The following ALKAL1 variants were observed in gnomAD, a reference collection of about 807,000 sequenced individuals.
ALKAL1 encodes the protein AUG-beta.
In ALKAL1, 23 loss-of-function variants were observed where a neutral mutation model predicts 13.5. That is an observed-to-expected ratio of 1.70 (90% CI 1.23 to 2.41). The LOEUF (loss-of-function observed/expected upper bound fraction) is 2.41. Among genes scored for constraint, ALKAL1 ranks in the 30% most tolerant of loss-of-function variants. The probability of loss-of-function intolerance (pLI) is 0.00; values close to 1 mark genes in which losing one functional copy is unlikely to be tolerated. For missense variants in ALKAL1, 181 were observed against 178.4 expected (o/e 1.01, Z -0.08); for synonymous variants, 85 against 77.7 (o/e 1.09, Z -0.49).
chr8:52,552,926 G>A (rs1467395165), intron 1 of ALKAL1, among the ~76,000 whole-genome samples: 1 of 152,182 alleles, frequency 6.6e-6, no homozygotes, highest in Non-Finnish European at 1.5e-5. Flanking sequence ...GTGTGCTCCT[G>A]GTGACTACGG....
intron 1 of ALKAL1, among the ~76,000 whole-genome samples, chr8:52,558,246 G>A (rs1389105526): frequency 6.8e-6 from 1 of 146,950 alleles, no homozygotes; most frequent in Non-Finnish European, 1.5e-5. Flanking sequence ...TACTTGGGAG[G>A]CTGAGGTGAG....
Position 52,554,117 on chromosome 8 carries a change from G to A in ALKAL1, c.190+10950C>T, listed in dbSNP as rs193228275. 9.2e-5 allele frequency among the ~76,000 whole-genome samples: 14 copies of A among 152,242 alleles called. No individual in the cohort carries two copies. The East Asian group carries it at 1.5e-3, about 17-fold the overall frequency. On this transcript the variant is annotated intron_variant, in intron 1 of 4. Coordinates refer to ENST00000358543, the MANE Select transcript of ALKAL1 (RefSeq NM_207413.4). ...CGCATGCCTGTAATCCCAGCTACTC[G>A]GGAGGCTGAGGCAGGGGAATCGCTT... is the stretch of plus-strand genomic sequence containing the variant.
chr8:52,561,444 G>A (rs566582388), intron 1 of ALKAL1, among the ~76,000 whole-genome samples: 1 of 152,316 alleles, frequency 6.6e-6, no homozygotes, highest in Admixed American at 6.5e-5. Context: ...GGTAAGAGAA[G>A]TGCATTTCAG....
In ALKAL1 at chr8:52,539,958, C is replaced by G. The variant is rs563462913; in HGVS notation, c.245-47G>C. ...CTTATTATAAACATAGGCATGTTTT[C>G]CAAACAAATTTCCTAGCACTTTATG... On this transcript the variant is annotated intron_variant, in intron 2 of 4. Coordinates refer to ENST00000358543, the MANE Select transcript of ALKAL1 (RefSeq NM_207413.4). 2.0e-5 allele frequency: 31 copies of G among 1,546,680 alleles called. No individual in the cohort carries two copies. In the East Asian group the frequency reaches 6.7e-4, roughly 34 times the overall value.
chr8:52,559,029 T>G (rs1847513287), intron 1 of ALKAL1, among the ~76,000 whole-genome samples: 1 of 152,054 alleles, frequency 6.6e-6, no homozygotes, highest in Admixed American at 6.6e-5. Flanking sequence ...CCAGGCTCTT[T>G]TTAACAACTA....
At chr8:52,554,620 C>T (rs775727155) in intron 1 of ALKAL1, among the ~76,000 whole-genome samples, 4 of 152,012 alleles carry the variant, frequency 2.6e-5, no homozygotes, top group East Asian at 3.9e-4. Flanking sequence ...AAGGAGTATA[C>T]GAATTTAAAG....
intron 2 of ALKAL1, among the ~76,000 whole-genome samples, chr8:52,542,011 C>T (rs1466407907): frequency 1.3e-5 from 2 of 152,144 alleles, no homozygotes; most frequent in African/African-American, 4.8e-5. Context: ...GCACACCTGT[C>T]CTTGCCTAAA....
chr8:52,552,721 G>GTCATC (rs1356862256), intron 1 of ALKAL1, among the ~76,000 whole-genome samples: 1 of 152,126 alleles, frequency 6.6e-6, no homozygotes, highest in East Asian at 1.9e-4. Flanking sequence ...CTTTGATTCT[G>GTCATC]TCATTAGTAA....
chr8:52,560,368 C>T (rs1441703897), intron 1 of ALKAL1, among the ~76,000 whole-genome samples: 1 of 152,160 alleles, frequency 6.6e-6, no homozygotes, highest in Non-Finnish European at 1.5e-5. Flanking sequence ...ACTCTACTTA[C>T]TACCCACTAC....
intron 3 of ALKAL1, 140 bp downstream of exon 3, chr8:52,539,691 G>T: frequency 1.6e-6 from 1 of 628,690 alleles, no homozygotes; most frequent in Non-Finnish European, 2.7e-6. Flanking sequence ...CTTAGGTTCT[G>T]TCAGTGTTCT....
intron 1 of ALKAL1, among the ~76,000 whole-genome samples, chr8:52,556,422 C>T (rs973722332): frequency 7.3e-5 from 11 of 151,570 alleles, no homozygotes; most frequent in Admixed American, 2.6e-4. Context: ...CCGAGACGGG[C>T]GGATCACGAG....
At chr8:52,564,929 T>A (rs1254384393) in intron 1 of ALKAL1, 138 bp downstream of exon 1, 1 of 625,316 alleles carries the variant, frequency 1.6e-6, no homozygotes, top group African/African-American at 1.9e-5. Flanking sequence ...TTCCGAGAGC[T>A]GGGAATCTGC....
In ALKAL1 at chr8:52,565,412, G is replaced by C. The variant is rs529496296; in HGVS notation, c.-156C>G. The C allele has an allele frequency of 8.0e-6, 4 of 498,556 alleles. No individual in the cohort carries two copies. Among genetic ancestry groups the C allele is most frequent in the South Asian group, 9.6e-5 (1 of 10,440 alleles). The allele number at this position is 498,556 out of a possible 1,614,324, so 30.9% of individuals were successfully genotyped here. On this transcript the variant is annotated 5_prime_UTR_variant, in exon 1 of 5. Transcript: ENST00000358543. ...CGCCTGCCCTTGTCTACGTCCCGGGGGTCGGCTGGAGCTGCACTGGGACTC... is the reference window on the plus strand; with the variant it reads ...CGCCTGCCCTTGTCTACGTCCCGGGCGTCGGCTGGAGCTGCACTGGGACTC...
intron 1 of ALKAL1, among the ~76,000 whole-genome samples, chr8:52,552,534 C>T (rs755617109): frequency 1.3e-5 from 2 of 152,176 alleles, no homozygotes; most frequent in Middle Eastern, 3.2e-3. Context: ...AGAATTCTTC[C>T]GCATAAGAGG....
chr8:52,557,436 T>C (rs1442303852), intron 1 of ALKAL1, among the ~76,000 whole-genome samples: 2 of 152,232 alleles, frequency 1.3e-5, no homozygotes, highest in South Asian at 2.1e-4. Context: ...AAATGATCAA[T>C]AGCCAATCTG....
intron 2 of ALKAL1, among the ~76,000 whole-genome samples, chr8:52,540,748 A>T (rs1847305027): frequency 6.6e-6 from 1 of 151,998 alleles, no homozygotes; most frequent in African/African-American, 2.4e-5. Flanking sequence ...AAAAAAATAC[A>T]CATACAACAA....
intron 1 of ALKAL1, among the ~76,000 whole-genome samples, chr8:52,545,141 T>G (rs929400497): frequency 6.6e-6 from 1 of 152,094 alleles, no homozygotes; most frequent in Non-Finnish European, 1.5e-5. Flanking sequence ...AAAATAAATC[T>G]CAGGACCCCA....
rs114199074 is a variant in ALKAL1 at position 52,542,087 on chromosome 8, G to T, written c.244+305C>A. Reference sequence around the variant, plus strand: ...CTGAACAGAAGGTCTCCCTCACCACGGGAAAGCCTTATTCATCCCTTAAAG... The same window carrying T: ...CTGAACAGAAGGTCTCCCTCACCACTGGAAAGCCTTATTCATCCCTTAAAG... On this transcript the variant is annotated intron_variant, in intron 2 of 4. Transcript: ENST00000358543. 4.7e-3 allele frequency among the ~76,000 whole-genome samples: 717 copies of T among 152,160 alleles called. 3 individuals carry two copies. Among genetic ancestry groups the T allele is most frequent in the African/African-American group, 0.016 (681 of 41,512 alleles).
intron 1 of ALKAL1, among the ~76,000 whole-genome samples, chr8:52,548,589 A>C (rs1847396744): frequency 6.6e-6 from 1 of 152,186 alleles, no homozygotes; most frequent in Non-Finnish European, 1.5e-5. Context: ...ATATATATTG[A>C]AACATCACTA....
Sources: gnomAD v4.1 joint callset for allele counts (sites outside exome capture counted in the v4.1 genomes callset) on GRCh38, gnomAD v4.1.1 for gene constraint, MANE v1.5 for transcripts, NCBI Gene and HGNC (gene_info 2026-07-23, HGNC 2026-07-21) for gene names.